KCNQ3: variants seen among roughly 807,000 people sequenced by gnomAD.
The protein encoded by KCNQ3 is potassium voltage-gated channel subfamily KQT member 3.
Under a neutral mutation model 92.5 loss-of-function variants are expected in KCNQ3, and 30 were observed. The observed-to-expected ratio is 0.32, with a 90% CI of 0.24 to 0.44. KCNQ3 has a LOEUF of 0.44. Ranked by LOEUF, KCNQ3 falls within the 20% of genes least tolerant of loss-of-function variation. KCNQ3 has a pLI of 1.00. For missense variants in KCNQ3, 913 were observed against 1,140.3 expected, an observed-to-expected ratio of 0.80 and a Z score of 2.87; for synonymous variants, 450 against 468.8, an observed-to-expected ratio of 0.96 and a Z score of 0.52.
At chr8:132,336,461 G>A (rs1260110159) in intron 1 of KCNQ3, among the ~76,000 whole-genome samples, 1 of 152,228 alleles carries the variant, frequency 6.6e-6, no homozygotes, top group Admixed American at 6.5e-5. Flanking sequence ...GGGAGGCAGG[G>A]TTGGAGGATA....
chr8:132,460,735 A>C (rs922211231), intron 1 of KCNQ3, among the ~76,000 whole-genome samples: 3 of 152,162 alleles, frequency 2.0e-5, no homozygotes, highest in African/African-American at 7.2e-5. Context: ...CCTCCTAAAT[A>C]ATTTTTTAAA....
chr8:132,350,905 C>T (rs1354545061), intron 1 of KCNQ3, among the ~76,000 whole-genome samples: 6 of 151,924 alleles, frequency 3.9e-5, no homozygotes, highest in Admixed American at 2.0e-4. Flanking sequence ...TTTTTTTTAA[C>T]GAAGCAAATC....
chr8:132,406,544 C>T (rs1186650599), intron 1 of KCNQ3, among the ~76,000 whole-genome samples: 1 of 151,778 alleles, frequency 6.6e-6, no homozygotes, highest in African/African-American at 2.4e-5. Flanking sequence ...GACACACACA[C>T]AGGCATACAC....
chr8:132,279,990 T>C (rs142104348), intron 1 of KCNQ3, among the ~76,000 whole-genome samples: 1,755 of 152,226 alleles, frequency 0.012, 10 homozygotes, highest in Middle Eastern at 0.034. Flanking sequence ...AGTCAATTGT[T>C]TATTCAGCAT....
intron 1 of KCNQ3, among the ~76,000 whole-genome samples, chr8:132,385,018 A>G (rs1211637624): frequency 6.6e-6 from 1 of 152,202 alleles, no homozygotes; most frequent in Non-Finnish European, 1.5e-5. Context: ...AGAGTTCTCT[A>G]CAAGAACACC....
chr8:132,413,741 A>C (rs1216711063), intron 1 of KCNQ3, among the ~76,000 whole-genome samples: 2 of 152,246 alleles, frequency 1.3e-5, no homozygotes, highest in African/African-American at 2.4e-5. Context: ...CTTTTGTCAC[A>C]TATGGCACAG....
intron 1 of KCNQ3, among the ~76,000 whole-genome samples, chr8:132,294,233 C>T (rs914124710): frequency 6.6e-6 from 1 of 152,108 alleles, no homozygotes; most frequent in Non-Finnish European, 1.5e-5. Flanking sequence ...CATCTCCTGA[C>T]CTCGTGATCC....
intron 1 of KCNQ3, among the ~76,000 whole-genome samples, chr8:132,336,787 C>T (rs767622016): frequency 7.2e-5 from 11 of 152,238 alleles, no homozygotes; most frequent in Non-Finnish European, 1.6e-4. Context: ...GGATCAGAGA[C>T]ATCCAATACA....
rs1398300403 is a variant in KCNQ3, at chr8:132,480,382, C to G, written c.151G>C (p.Glu51Gln). Residue 51 changes from glutamate to glutamine, a missense_variant, in exon 1 of 15, where the codon GAG (glutamate) becomes CAG (glutamine). Glu to Gln is a conservative substitution (Grantham distance 29). Around this residue, in one of 6 missense-constraint regions of KCNQ3, gnomAD observed 183 missense variants for 167.7 expected, o/e 1.09. Transcript: ENST00000388996. ...RKVGLAPGDV[E>Q]QVTLALGAGA... ...GCCCCGAGCGCCAAGGTGACTTGCT[C>G]CACGTCGCCGGGCGCCAGCCCCACT... The G allele has an allele frequency of 6.4e-7, 1 of 1,564,190 alleles. No individual in the cohort carries two copies. The highest frequency in any genetic ancestry group is 8.6e-7 in the Non-Finnish European group (1 of 1,163,170).
Position 132,141,248 on chromosome 8 carries a change from T to G in KCNQ3, c.1346A>C (p.Asn449Thr), listed in dbSNP as rs193920887. The stretch of plus-strand genomic sequence containing the variant: ...AGGACTTTCTTCTATGGCATCTACA[T>G]TCAGAGGGGTAAATAGCTTTCCTTT... ...NTKGKLFTPL[N>T]VDAIEESPSK... Residue 449 changes from asparagine to threonine, a missense_variant, in exon 10 of 15, where the codon AAT (asparagine) becomes ACT (threonine). Asn to Thr is a moderately conservative substitution (Grantham distance 65). Coordinates refer to ENST00000388996, the MANE Select transcript of KCNQ3 (RefSeq NM_004519.4). 1.2e-6 allele frequency: 2 copies of G among 1,614,192 alleles called. No individual in the cohort carries two copies. Among genetic ancestry groups the G allele is most frequent in the Non-Finnish European group, 1.7e-6 (2 of 1,180,010 alleles).
At chr8:132,434,207 CA>C (rs546958236) in intron 1 of KCNQ3, among the ~76,000 whole-genome samples, 6,509 of 130,438 alleles carry the variant, frequency 0.05, 144 homozygotes, top group Non-Finnish European at 0.052. Flanking sequence ...GACTCCGTCT[CA>C]AAAAAAAAAA....
intron 11 of KCNQ3, among the ~76,000 whole-genome samples, chr8:132,139,668 G>T (rs748833752): frequency 6.6e-6 from 1 of 152,038 alleles, no homozygotes. Context: ...TTAAAAATGC[G>T]AACTAATTAA....
chr8:132,200,767 T>C (rs1301311989), intron 1 of KCNQ3, among the ~76,000 whole-genome samples: 1 of 152,242 alleles, frequency 6.6e-6, no homozygotes, highest in Non-Finnish European at 1.5e-5. Flanking sequence ...CATGATATGT[T>C]ATCATGCGTT....
rs577151939 is a variant in KCNQ3, at chr8:132,235,513, C to A, written c.387-49332G>T. Among the ~76,000 whole-genome samples, 6 of 152,268 alleles carry A rather than the reference C, an allele frequency of 3.9e-5. No homozygotes were observed. The East Asian group carries it at 1.2e-3, about 29-fold the overall frequency. On this transcript the variant is annotated intron_variant, in intron 1 of 14. Transcript: ENST00000388996. ...GAGACGCCATCTCAAAAAAAAGAAA[C>A]TTCCTGTCCAGCCACTAGCTGACCA...
At chr8:132,221,035 C>G (rs1814210631) in intron 1 of KCNQ3, among the ~76,000 whole-genome samples, 1 of 152,122 alleles carries the variant, frequency 6.6e-6, no homozygotes, top group African/African-American at 2.4e-5. Flanking sequence ...TCTCATTGTT[C>G]AATTCCCACC....
In KCNQ3 at chr8:132,358,910, C is replaced by T. The variant is rs190488501; in HGVS notation, c.386+121237G>A. Among the ~76,000 whole-genome samples the T allele has an allele frequency of 3.5e-3, 531 of 152,292 alleles. 5 individuals are homozygous for T. Among genetic ancestry groups the T allele is most frequent in the Middle Eastern group, 0.031 (9 of 294 alleles). On this transcript the variant is annotated intron_variant, in intron 1 of 14. Transcript: ENST00000388996. Reference sequence around the variant, plus strand: ...GTTCAGAAGGGTAGTGCATAAGAAACGAAACACAACCAAACCCCATCAGCT... The same window carrying T: ...GTTCAGAAGGGTAGTGCATAAGAAATGAAACACAACCAAACCCCATCAGCT...
At chr8:132,277,325 C>T (rs1816365543) in intron 1 of KCNQ3, among the ~76,000 whole-genome samples, 4 of 152,220 alleles carry the variant, frequency 2.6e-5, no homozygotes, top group South Asian at 2.1e-4. Flanking sequence ...CCTCTTTCCA[C>T]TCCCAGTCTT....
At chr8:132,427,928 G>A (rs1821151734) in intron 1 of KCNQ3, among the ~76,000 whole-genome samples, 1 of 152,056 alleles carries the variant, frequency 6.6e-6, no homozygotes, top group South Asian at 2.1e-4. Context: ...ACCAATTATC[G>A]GCAATGCTTC....
intron 1 of KCNQ3, among the ~76,000 whole-genome samples, chr8:132,378,527 A>G (rs372502988): frequency 3.3e-5 from 5 of 152,352 alleles, no homozygotes; most frequent in East Asian, 1.9e-4. Flanking sequence ...ACTTTTCCAT[A>G]CATTGCCTTA....
Sources: gnomAD v4.1 joint callset for allele counts (sites outside exome capture counted in the v4.1 genomes callset) on GRCh38, gnomAD v4.1.1 for gene constraint, gnomAD v4.1.1 regional missense constraint, MANE v1.5 for transcripts, NCBI Gene and HGNC (gene_info 2026-07-23, HGNC 2026-07-21) for gene names.